SPTBN1: variants seen among roughly 807,000 people sequenced by gnomAD.
SPTBN1 encodes the protein spectrin beta chain, non-erythrocytic 1.
A neutral mutation model predicts 266.4 loss-of-function variants in SPTBN1; 32 were observed. The observed-to-expected ratio is 0.12, with a 90% CI of 0.09 to 0.16. The LOEUF (loss-of-function observed/expected upper bound fraction) is 0.16. Ranked by LOEUF, SPTBN1 falls within the 10% of genes least tolerant of loss-of-function variation. SPTBN1 has a pLI of 1.00. For synonymous variants in SPTBN1, 1,336 were observed against 1,162.2 expected (o/e 1.15, Z -3.04); for missense variants, 2,296 against 3,067.1 (o/e 0.75, Z 5.94).
At chr2:54,495,599 A>G (rs563828736) in intron 1 of SPTBN1, among the ~76,000 whole-genome samples, 4 of 151,844 alleles carry the variant, frequency 2.6e-5, no homozygotes, top group Admixed American at 2.6e-4. Context: ...AGTGCTAAAT[A>G]CTTTTAACAT....
intron 2 of SPTBN1, chr2:54,529,566 A>G: frequency 2.8e-6 from 2 of 715,864 alleles, no homozygotes; most frequent in Middle Eastern, 3.1e-4. Flanking sequence ...CTTGACCACT[A>G]TGCTATCATC....
At chr2:54,607,541 G>C (rs1676927660) in intron 3 of SPTBN1, among the ~76,000 whole-genome samples, 1 of 152,110 alleles carries the variant, frequency 6.6e-6, no homozygotes, top group Non-Finnish European at 1.5e-5. Context: ...AGAATCTCTT[G>C]AACCCAGGAG....
intron 3 of SPTBN1, among the ~76,000 whole-genome samples, chr2:54,608,587 G>A (rs570352258): frequency 6.6e-6 from 1 of 152,250 alleles, no homozygotes; most frequent in East Asian, 1.9e-4. Context: ...GAGGGGGAGT[G>A]ATGGGAAATA....
chr2:54,522,109 C>T (rs1190023456), intron 1 of SPTBN1, among the ~76,000 whole-genome samples: 1 of 151,498 alleles, frequency 6.6e-6, no homozygotes, highest in Non-Finnish European at 1.5e-5. Flanking sequence ...ACTGTGTTGT[C>T]CAGTCTGGTC....
intron 2 of SPTBN1, among the ~76,000 whole-genome samples, chr2:54,561,804 T>C (rs1048555916): frequency 6.7e-6 from 1 of 149,712 alleles, no homozygotes; most frequent in Non-Finnish European, 1.5e-5. Flanking sequence ...GTCATAAATA[T>C]ATAGTTTATA....
chr2:54,658,073 G>C (rs767793374), intron 30 of SPTBN1, 27 bp downstream of exon 30: 7 of 1,613,472 alleles, frequency 4.3e-6, no homozygotes, highest in Non-Finnish European at 5.9e-6. Context: ...CCCTTTGTCT[G>C]TTGGTGCCCT....
chr2:54,588,670 T>G (rs1401988993), intron 2 of SPTBN1, among the ~76,000 whole-genome samples: 2 of 152,182 alleles, frequency 1.3e-5, no homozygotes, highest in Non-Finnish European at 2.9e-5. Flanking sequence ...TGGGCTTACT[T>G]CAGCCTTTGC....
intron 2 of SPTBN1, among the ~76,000 whole-genome samples, chr2:54,561,023 A>G (rs1238111073): frequency 6.6e-6 from 1 of 152,156 alleles, no homozygotes; most frequent in Non-Finnish European, 1.5e-5. Flanking sequence ...TATAATTTCT[A>G]TCTGCTGATT....
At chr2:54,654,304 C>T (rs1680504815) in intron 27 of SPTBN1, among the ~76,000 whole-genome samples, 1 of 152,122 alleles carries the variant, frequency 6.6e-6, no homozygotes, top group African/African-American at 2.4e-5. Context: ...AAGGTGTCAC[C>T]CTCAACATCT....
At chr2:54,553,447 G>A (rs907922025) in intron 2 of SPTBN1, among the ~76,000 whole-genome samples, 1 of 152,206 alleles carries the variant, frequency 6.6e-6, no homozygotes, top group Non-Finnish European at 1.5e-5. Flanking sequence ...GGCATGGTTT[G>A]GAGCCGCTTC....
At position 54,507,379 on chromosome 2, in the gene SPTBN1, GAT is replaced by G. The variant is rs982274618; in HGVS notation, c.-47-18991_-47-18990del. Among the ~76,000 whole-genome samples, 14 of 152,106 alleles carry G rather than the reference GAT, an allele frequency of 9.2e-5. 1 individual carries two copies. The highest frequency in any genetic ancestry group is 7.9e-4 in the Admixed American group (12 of 15,266). The stretch of plus-strand genomic sequence containing the variant: ...AAAATTTTGGGGGGTGGTATGGAGA[GAT>G]AATGGGCAATGTTTCTCAGGGCTGC... On this transcript the variant is annotated intron_variant, in intron 1 of 35. Transcript: ENST00000356805.
In SPTBN1 at chr2:54,456,430, C is replaced by T. The variant is rs1693031848; in HGVS notation, c.-136C>T. On this transcript the variant is annotated 5_prime_UTR_variant, in exon 1 of 36. Coordinates refer to ENST00000356805, the MANE Select transcript of SPTBN1 (RefSeq NM_003128.3). ...AGCCCCGGCCCCAGCCGCGGACAGACCCGCGGAGTCGCCTCCCGGCCCACC... is the reference window on the plus strand; with the variant it reads ...AGCCCCGGCCCCAGCCGCGGACAGATCCGCGGAGTCGCCTCCCGGCCCACC... 1 of 152,162 alleles carries T rather than the reference C, an allele frequency of 6.6e-6. No homozygotes were observed. Among genetic ancestry groups the T allele is most frequent in the African/African-American group, 2.4e-5 (1 of 41,432 alleles). The allele number at this position is 152,162 out of a possible 1,614,324, so 9.4% of individuals were successfully genotyped here.
At chr2:54,582,010 G>A (rs991258991) in intron 2 of SPTBN1, among the ~76,000 whole-genome samples, 15 of 152,006 alleles carry the variant, frequency 9.9e-5, no homozygotes, top group African/African-American at 3.1e-4. Flanking sequence ...TATCAGCACC[G>A]AGAATACGCT....
intron 1 of SPTBN1, among the ~76,000 whole-genome samples, chr2:54,457,964 C>A (rs1350195930): frequency 6.6e-6 from 1 of 152,206 alleles, no homozygotes; most frequent in Non-Finnish European, 1.5e-5. Flanking sequence ...GGACCTGAGC[C>A]ATAGGGAGGG....
At chr2:54,536,094 A>G (rs1038199173) in intron 2 of SPTBN1, among the ~76,000 whole-genome samples, 8 of 152,134 alleles carry the variant, frequency 5.3e-5, no homozygotes, top group African/African-American at 1.9e-4. Context: ...ATAAAGGCCT[A>G]TTGGTGGGTG....
intron 1 of SPTBN1, among the ~76,000 whole-genome samples, chr2:54,505,715 G>A (rs1230821620): frequency 6.6e-6 from 1 of 152,176 alleles, no homozygotes; most frequent in Non-Finnish European, 1.5e-5. Flanking sequence ...TTAACTTGGC[G>A]TCTAACAGTG....
At chr2:54,659,005 A>T in intron 30 of SPTBN1, 149 bp from the exon 31 acceptor site, 1 of 759,654 alleles carries the variant, frequency 1.3e-6, no homozygotes, top group East Asian at 2.6e-5. Flanking sequence ...TGTGAACCTA[A>T]TTCCATTTGG....
intron 2 of SPTBN1, among the ~76,000 whole-genome samples, chr2:54,568,343 C>CT (rs1673811298): frequency 8.9e-6 from 1 of 112,308 alleles, no homozygotes; most frequent in South Asian, 3.0e-4. Flanking sequence ...GAGTAAGACT[C>CT]TGTCTCAAAA....
chr2:54,522,935 C>T (rs927622722), intron 1 of SPTBN1, among the ~76,000 whole-genome samples: 2 of 151,980 alleles, frequency 1.3e-5, no homozygotes, highest in African/African-American at 4.8e-5. Flanking sequence ...GCATGCCTTG[C>T]TTGGGTTTTA....
Sources: gnomAD v4.1 joint callset for allele counts (sites outside exome capture counted in the v4.1 genomes callset) on GRCh38, gnomAD v4.1.1 for gene constraint, MANE v1.5 for transcripts, NCBI Gene and HGNC (gene_info 2026-07-23, HGNC 2026-07-21) for gene names.